ANKS1B: variants seen among roughly 807,000 people sequenced by gnomAD.
ANKS1B encodes ankyrin repeat and sterile alpha motif domain-containing protein 1B.
A neutral mutation model predicts 148.3 loss-of-function variants in ANKS1B; 36 were observed. The observed-to-expected ratio is 0.24, with a 90% CI of 0.19 to 0.32. The LOEUF is 0.32. Among genes scored for constraint, ANKS1B ranks in the 10% least tolerant of loss-of-function variants. ANKS1B has a pLI of 1.00. For synonymous variants in ANKS1B, 542 were observed against 560.8 expected (o/e 0.97, Z 0.47); for missense variants, 1,157 against 1,542.6 (o/e 0.75, Z 4.19).
intron 12 of ANKS1B, among the ~76,000 whole-genome samples, chr12:99,392,513 G>A (rs989280363): frequency 2.0e-5 from 3 of 152,214 alleles, no homozygotes; most frequent in Non-Finnish European, 4.4e-5. Flanking sequence ...GGAGGTGATG[G>A]TTTGAAACTA....
intron 10 of ANKS1B, among the ~76,000 whole-genome samples, chr12:99,450,965 T>C (rs2095722728): frequency 6.6e-6 from 1 of 152,180 alleles, no homozygotes; most frequent in African/African-American, 2.4e-5. Flanking sequence ...CTTGATAATA[T>C]AATTTACAAA....
At chr12:99,609,342 C>G (rs1415360172) in intron 9 of ANKS1B, among the ~76,000 whole-genome samples, 1 of 151,852 alleles carries the variant, frequency 6.6e-6, no homozygotes, top group African/African-American at 2.4e-5. Flanking sequence ...CATCAAGTAA[C>G]TCAGAACCAA....
intron 17 of ANKS1B, among the ~76,000 whole-genome samples, chr12:98,987,403 G>A (rs1388768951): frequency 6.6e-6 from 1 of 151,970 alleles, no homozygotes; most frequent in Non-Finnish European, 1.5e-5. Context: ...AGTTACAATG[G>A]TATGTACATG....
chr12:99,683,276 A>C (rs2098631741), intron 8 of ANKS1B, among the ~76,000 whole-genome samples: 1 of 152,320 alleles, frequency 6.6e-6, no homozygotes, highest in African/African-American at 2.4e-5. Flanking sequence ...AATAAGCTCA[A>C]TTAGAAATGA....
At chr12:99,808,853 T>C (rs989438424) in intron 3 of ANKS1B, among the ~76,000 whole-genome samples, 1 of 152,056 alleles carries the variant, frequency 6.6e-6, no homozygotes, top group African/African-American at 2.4e-5. Flanking sequence ...GCCTAGGAAA[T>C]TACAAGAGCA....
In ANKS1B at chr12:98,801,192, T is replaced by C; in HGVS notation, c.3142-67A>G. ...CAAAGTTCATTCCCTGTAGCTACCC[T>C]GAGCTCACCTTACACACAGGTGCTG... On this transcript the variant is annotated intron_variant, in intron 20 of 26. Transcript: ENST00000683438. This position sits in a 1 kb window ranked among gnomAD's most constrained non-coding sequence, Gnocchi z 5.2. 1 of 1,555,522 alleles carries C rather than the reference T, an allele frequency of 6.4e-7. No homozygotes were observed. Among genetic ancestry groups the C allele is most frequent in the East Asian group, 2.3e-5 (1 of 43,844 alleles).
At chr12:98,847,057 A>G (rs169302) in intron 17 of ANKS1B, among the ~76,000 whole-genome samples, 116,348 of 152,160 alleles carry the variant, frequency 0.76, 46,100 homozygotes, top group East Asian at 0.91. Flanking sequence ...AAGCATACCC[A>G]TCAGCTCCCA....
At chr12:99,354,979 G>A (rs1184757287) in intron 12 of ANKS1B, among the ~76,000 whole-genome samples, 1 of 151,998 alleles carries the variant, frequency 6.6e-6, no homozygotes, top group Non-Finnish European at 1.5e-5. Context: ...AATGATGTGT[G>A]ATGTCAATAA....
chr12:99,421,031 G>A (rs2095064252), intron 11 of ANKS1B, among the ~76,000 whole-genome samples: 1 of 152,162 alleles, frequency 6.6e-6, no homozygotes, highest in African/African-American at 2.4e-5. Flanking sequence ...ACAAAATGAG[G>A]ATTATATAAG....
intron 12 of ANKS1B, among the ~76,000 whole-genome samples, chr12:99,316,388 T>C (rs1036448674): frequency 6.6e-6 from 1 of 152,226 alleles, no homozygotes; most frequent in African/African-American, 2.4e-5. Flanking sequence ...TGGTATCTAG[T>C]TGTGGTTTTG....
intron 9 of ANKS1B, among the ~76,000 whole-genome samples, chr12:99,616,345 C>T (rs2097960248): frequency 6.6e-6 from 1 of 152,072 alleles, no homozygotes; most frequent in Non-Finnish European, 1.5e-5. Flanking sequence ...CAATCCTAAG[C>T]AAAAAGAACA....
chr12:98,895,384 G>T, intron 17 of ANKS1B: 1 of 897,078 alleles, frequency 1.1e-6, no homozygotes, highest in Non-Finnish European at 1.3e-6. Context: ...CCAGGTGACC[G>T]GCTCGGCAGC....
chr12:99,942,224 G>A (rs961999075), intron 1 of ANKS1B, among the ~76,000 whole-genome samples: 2 of 152,058 alleles, frequency 1.3e-5, no homozygotes, highest in African/African-American at 4.8e-5. Flanking sequence ...AGAGGCAAAA[G>A]GATCATCAGG....
Position 99,810,085 on chromosome 12 carries a change from C to T in ANKS1B, c.372+2070G>A, listed in dbSNP as rs115386131. 3.6e-3 allele frequency among the ~76,000 whole-genome samples: 547 copies of T among 152,076 alleles called. 2 individuals are homozygous for T. Among genetic ancestry groups the T allele is most frequent in the African/African-American group, 0.012 (519 of 41,530 alleles). On this transcript the variant is annotated intron_variant, in intron 3 of 26. Transcript: ENST00000683438. ...AGGATTTAGGATGACAATACCAATG[C>T]GCTGTTGTGTAAAAGGCTCTGGAGT...
chr12:99,194,735 T>G (rs1204949686), intron 14 of ANKS1B, among the ~76,000 whole-genome samples: 2 of 152,186 alleles, frequency 1.3e-5, no homozygotes, highest in Non-Finnish European at 2.9e-5. Flanking sequence ...CATTAGGTAC[T>G]GTAATGGTAT....
chr12:99,017,009 G>T (rs892036656), intron 17 of ANKS1B, among the ~76,000 whole-genome samples: 6 of 152,148 alleles, frequency 3.9e-5, no homozygotes, highest in Non-Finnish European at 5.9e-5. Context: ...AGTTGAAGGG[G>T]TTGTGGGCAA....
chr12:99,047,326 G>A (rs1245049984), intron 17 of ANKS1B, among the ~76,000 whole-genome samples: 6 of 152,158 alleles, frequency 3.9e-5, no homozygotes, highest in Non-Finnish European at 1.5e-5. Flanking sequence ...CTTGAACCTG[G>A]GAGGCGGAGG....
intron 15 of ANKS1B, among the ~76,000 whole-genome samples, chr12:99,121,666 TTAA>T (rs1482395523): frequency 1.8e-4 from 28 of 152,072 alleles, no homozygotes; most frequent in Admixed American, 1.8e-3. Context: ...GAGAGGAAAG[TTAA>T]TAATAACCAT....
At chr12:99,105,658 A>C (rs997046648) in intron 15 of ANKS1B, among the ~76,000 whole-genome samples, 1 of 150,058 alleles carries the variant, frequency 6.7e-6, no homozygotes, top group Admixed American at 6.7e-5. Flanking sequence ...AGTCCCAGCT[A>C]CTCGGTAGGC....
Sources: allele counts gnomAD v4.1 joint callset (sites outside exome capture counted in the v4.1 genomes callset), GRCh38; gene constraint gnomAD v4.1.1; non-coding constraint Gnocchi (gnomAD v3.1); transcripts MANE v1.5; gene names NCBI Gene and HGNC (gene_info 2026-07-23, HGNC 2026-07-21).